NPIPA1: variants seen among roughly 807,000 people sequenced by gnomAD.
The protein encoded by NPIPA1 is nuclear pore complex-interacting protein family member A1.
For synonymous variants in NPIPA1, 7 were observed against 88.0 expected (o/e 0.08, Z 5.15); for missense variants, 22 against 232.2 (o/e 0.09, Z 5.88).
chr16:14,945,227 GGTGTGTGT>G (rs1555533565), intron 2 of NPIPA1, among the ~76,000 whole-genome samples: 239 of 137,802 alleles, frequency 1.7e-3, no homozygotes, highest in African/African-American at 3.2e-3. Flanking sequence ...ATTCTTGTGT[GGTGTGTGT>G]GTGTGTGTGT....
intron 2 of NPIPA1, among the ~76,000 whole-genome samples, chr16:14,945,241 T>C (rs1470132008): frequency 2.7e-5 from 4 of 147,834 alleles, no homozygotes; most frequent in Non-Finnish European, 6.0e-5. Context: ...TGTGTGTGTG[T>C]GTGTGTGTGT....
intron 4 of NPIPA1, among the ~76,000 whole-genome samples, chr16:14,947,841 G>T (rs1275473448): frequency 1.3e-3 from 190 of 151,134 alleles, no homozygotes; most frequent in Admixed American, 1.4e-3. Flanking sequence ...TGCACAGCAG[G>T]AGTAGTGATG....
intron 1 of NPIPA1, among the ~76,000 whole-genome samples, chr16:14,940,732 T>C (rs1597171220): frequency 8.6e-6 from 1 of 116,454 alleles, no homozygotes; most frequent in African/African-American, 3.4e-5. Flanking sequence ...ATAAGATAAT[T>C]ACTTTATACT....
At chr16:14,938,584 C>A (rs1326711637) in intron 1 of NPIPA1, among the ~76,000 whole-genome samples, 2 of 130,880 alleles carry the variant, frequency 1.5e-5, no homozygotes, top group African/African-American at 2.9e-5. Context: ...TACCTGTTAT[C>A]CCAGTTACTG....
chr16:14,945,139 G>A (rs1399628207), intron 2 of NPIPA1, among the ~76,000 whole-genome samples: 1 of 147,850 alleles, frequency 6.8e-6, no homozygotes, highest in Non-Finnish European at 1.5e-5. Flanking sequence ...TCAAACTCCC[G>A]ACCTCAGGTG....
intron 2 of NPIPA1, among the ~76,000 whole-genome samples, chr16:14,943,226 G>T (rs1192415394): frequency 6.6e-6 from 1 of 151,276 alleles, no homozygotes; most frequent in African/African-American, 2.4e-5. Flanking sequence ...GTGTGATCTC[G>T]GCTCACTGCA....
At chr16:14,943,536 T>C (rs71266211) in intron 2 of NPIPA1, among the ~76,000 whole-genome samples, 12 of 149,350 alleles carry the variant, frequency 8.0e-5, no homozygotes, top group East Asian at 2.1e-4. Flanking sequence ...GACAACTTTG[T>C]ACCTCTCATC....
Position 14,947,789 on chromosome 16 carries a change from A to T in NPIPA1, c.438-1141A>T, listed in dbSNP as rs1479315964. On this transcript the variant is annotated intron_variant, in intron 4 of 7. Transcript: ENST00000328085. ...CAACTCAAGAGTAGAATGCTTCCTT[A>T]GCCTCCCTCCAGAGTCAGGTTTTGT... Among the ~76,000 whole-genome samples, 3 of 152,238 alleles carry T rather than the reference A, an allele frequency of 2.0e-5. No homozygotes were observed. The East Asian group carries it at 5.8e-4, about 29-fold the overall frequency.
rs1478057203 is a variant in NPIPA1, at chr16:14,939,910, T to G, written c.64-1902T>G. Among the ~76,000 whole-genome samples, 2 of 37,380 alleles carry G rather than the reference T, an allele frequency of 5.4e-5. 1 individual carries two copies. Among genetic ancestry groups the G allele is most frequent in the Non-Finnish European group, 1.5e-4 (2 of 13,346 alleles). 24.5% of individuals were successfully genotyped at this position (37,380 alleles called of 152,430 possible). A position where few individuals can be genotyped will look rare whatever the true frequency, so the allele number is the denominator to read the frequency against. ...TCCACCTTGGTAATTTTTTTTTTTT[T>G]TTTGAGACAGAGTCTCGCTCTGTCA... is the stretch of plus-strand genomic sequence containing the variant. On this transcript the variant is annotated intron_variant, in intron 1 of 7. Coordinates refer to ENST00000328085, the MANE Select transcript of NPIPA1 (RefSeq NM_006985.4).
At chr16:14,946,469 G>A (rs1422012774) in intron 4 of NPIPA1, among the ~76,000 whole-genome samples, 71 of 150,944 alleles carry the variant, frequency 4.7e-4, no homozygotes, top group Middle Eastern at 3.4e-3. Flanking sequence ...TAATCCACCC[G>A]CCTCAGCCTC....
intron 1 of NPIPA1, chr16:14,938,190 C>T (rs1281920252): frequency 6.7e-7 from 1 of 1,487,176 alleles, no homozygotes. Flanking sequence ...CTGGCCACCT[C>T]CGGGTGCCCT....
chr16:14,946,638 T>C (rs1208379603), intron 4 of NPIPA1, among the ~76,000 whole-genome samples: 162 of 143,164 alleles, frequency 1.1e-3, no homozygotes, highest in Middle Eastern at 3.5e-3. Context: ...AATTCTGCCT[T>C]GGCTTCCCGA....
At chr16:14,938,898 G>C (rs1368467917) in intron 1 of NPIPA1, among the ~76,000 whole-genome samples, 3 of 148,542 alleles carry the variant, frequency 2.0e-5, no homozygotes, top group African/African-American at 4.9e-5. Context: ...GCTAATTTTT[G>C]TATTTTTAGT....
intron 2 of NPIPA1, among the ~76,000 whole-genome samples, chr16:14,944,909 T>TA (rs1965845348): frequency 1.3e-3 from 147 of 112,308 alleles, no homozygotes; most frequent in Middle Eastern, 4.9e-3. Flanking sequence ...TGGCCTATAT[T>TA]TTTTTTTTTT....
intron 4 of NPIPA1, among the ~76,000 whole-genome samples, chr16:14,946,587 C>A (rs1597177067): frequency 6.9e-6 from 1 of 145,956 alleles, no homozygotes; most frequent in South Asian, 2.2e-4. Flanking sequence ...TGCTATGGTG[C>A]AATCTTGGCT....
chr16:14,940,757 C>G (rs1293387645), intron 1 of NPIPA1, among the ~76,000 whole-genome samples: 8 of 113,122 alleles, frequency 7.1e-5, no homozygotes. Flanking sequence ...TTGTCTTACC[C>G]ATGAGTGACG....
chr16:14,948,294 G>A (rs1240976872), intron 4 of NPIPA1, among the ~76,000 whole-genome samples: 7 of 152,230 alleles, frequency 4.6e-5, no homozygotes, highest in East Asian at 1.9e-4. Flanking sequence ...GAGCCATTCC[G>A]ATCATTTCTA....
Position 14,951,775 on chromosome 16 carries a change from A to G in NPIPA1, c.803A>G (p.Glu268Gly). 1 of 1,493,152 alleles carries G rather than the reference A, an allele frequency of 6.7e-7. No individual in the cohort carries two copies. The highest frequency in any genetic ancestry group is 2.2e-4 in the Middle Eastern group (1 of 4,478). 92.5% of individuals were successfully genotyped at this position (1,493,152 alleles called of 1,614,324 possible). A position where few individuals can be genotyped will look rare whatever the true frequency, so the allele number is the denominator to read the frequency against. ...DNSLSLKTPS[E>G]CLLTPLPPSA... Reference sequence around the variant, plus strand: ...TCCCTGAGCCTCAAGACACCTTCCGAGTGTCTGCTCACTCCCCTTCCACCC... The same window carrying G: ...TCCCTGAGCCTCAAGACACCTTCCGGGTGTCTGCTCACTCCCCTTCCACCC... Residue 268 changes from glutamate (E) to glycine (G), a missense_variant, in exon 8 of 8, where the codon GAG (glutamate) becomes GGG (glycine). By Grantham distance (98) the Glu-to-Gly change is moderately conservative. Coordinates refer to ENST00000328085, the MANE Select transcript of NPIPA1 (RefSeq NM_006985.4).
chr16:14,938,122 C>T (rs1460820501), intron 1 of NPIPA1: 1 of 526,924 alleles, frequency 1.9e-6, no homozygotes, highest in African/African-American at 2.0e-5. Context: ...CAACTCAGAT[C>T]CGGCCCGGTC....
Sources: gnomAD v4.1 joint callset for allele counts (sites outside exome capture counted in the v4.1 genomes callset) on GRCh38, gnomAD v4.1.1 for gene constraint, MANE v1.5 for transcripts, NCBI Gene and HGNC (gene_info 2026-07-23, HGNC 2026-07-21) for gene names.